Variants in CPNE4 observed in about 807,000 individuals in gnomAD.
CPNE4 encodes copine 4.
A neutral mutation model predicts 67.9 loss-of-function variants in CPNE4; 25 were observed. That is an observed-to-expected ratio of 0.37 (90% CI 0.27 to 0.51). The LOEUF is 0.51. Ranked by LOEUF, CPNE4 falls within the 20% of genes least tolerant of loss-of-function variation. The probability of loss-of-function intolerance (pLI) is 0.93; values close to 1 mark genes in which losing one functional copy is unlikely to be tolerated. For missense variants in CPNE4, 464 were observed against 690.8 expected, an observed-to-expected ratio of 0.67 and a Z score of 3.68; for synonymous variants, 242 against 244.9, an observed-to-expected ratio of 0.99 and a Z score of 0.11.
chr3:132,029,407 T>C (rs1010866847), intron 1 of CPNE4, among the ~76,000 whole-genome samples: 2 of 152,084 alleles, frequency 1.3e-5, no homozygotes, highest in African/African-American at 2.4e-5. Context: ...TGGGTCAAAC[T>C]CCATTCCTTA....
chr3:131,832,614 G>A (rs1392325221), intron 2 of CPNE4, among the ~76,000 whole-genome samples: 1 of 152,046 alleles, frequency 6.6e-6, no homozygotes, highest in Non-Finnish European at 1.5e-5. Flanking sequence ...TCTTCCTTTT[G>A]GAATGGAAAT....
chr3:131,941,733 CT>C (rs1185477035), intron 1 of CPNE4, among the ~76,000 whole-genome samples: 1 of 152,116 alleles, frequency 6.6e-6, no homozygotes, highest in Non-Finnish European at 1.5e-5. Flanking sequence ...TCAGAGTCCC[CT>C]AATCATCCTT....
chr3:131,762,318 T>A (rs1215935374), intron 2 of CPNE4, among the ~76,000 whole-genome samples: 1 of 152,076 alleles, frequency 6.6e-6, no homozygotes, highest in Non-Finnish European at 1.5e-5. Context: ...TCACTCAAAT[T>A]AATAGCTACT....
chr3:131,812,414 A>C (rs1455079704), intron 2 of CPNE4, among the ~76,000 whole-genome samples: 1 of 152,174 alleles, frequency 6.6e-6, no homozygotes, highest in Non-Finnish European at 1.5e-5. Flanking sequence ...AGAAAGGTGA[A>C]TATCCAGTTA....
At chr3:131,758,910 C>A in intron 2 of CPNE4, among the ~76,000 whole-genome samples, 1 of 152,220 alleles carries the variant, frequency 6.6e-6, no homozygotes, top group Non-Finnish European at 1.5e-5. Flanking sequence ...TGCCTCCCAC[C>A]ATGATTCTGA....
intron 2 of CPNE4, among the ~76,000 whole-genome samples, chr3:131,873,311 A>G (rs1024012514): frequency 6.6e-6 from 1 of 152,188 alleles, no homozygotes; most frequent in African/African-American, 2.4e-5. Flanking sequence ...CTCTCTTAAA[A>G]TAATGTGTGG....
chr3:131,605,950 T>C lies in CPNE4; in HGVS notation c.682-18368A>G, dbSNP rs376063487. ...ATTCTTTGACTTCTAATAAGTACCATAAGTCTCTGAACCCATGACAGGTAA... is the reference window on the plus strand; with the variant it reads ...ATTCTTTGACTTCTAATAAGTACCACAAGTCTCTGAACCCATGACAGGTAA... On this transcript the variant is annotated intron_variant, in intron 7 of 15. Transcript: ENST00000429747. Among the ~76,000 whole-genome samples, 167 of 152,284 alleles carry C rather than the reference T, an allele frequency of 1.1e-3. 4 individuals carry two copies. In the South Asian group the frequency reaches 0.018, roughly 16 times the overall value.
chr3:131,714,696 A>G (rs2081641404), intron 3 of CPNE4, among the ~76,000 whole-genome samples: 2 of 152,130 alleles, frequency 1.3e-5, no homozygotes, highest in East Asian at 1.9e-4. Context: ...AGATTATTGA[A>G]TCTCTCCCTA....
At chr3:131,669,384 T>A (rs1052356004) in intron 7 of CPNE4, among the ~76,000 whole-genome samples, 2 of 152,210 alleles carry the variant, frequency 1.3e-5, no homozygotes, top group African/African-American at 4.8e-5. Flanking sequence ...TATTTTCATT[T>A]TAATAACTCT....
chr3:131,772,206 A>G (rs1208943780), intron 2 of CPNE4, among the ~76,000 whole-genome samples: 1 of 152,160 alleles, frequency 6.6e-6, no homozygotes, highest in East Asian at 1.9e-4. Context: ...AGGAATGACA[A>G]AGAAGAGAAG....
intron 7 of CPNE4, among the ~76,000 whole-genome samples, chr3:131,639,613 T>C (rs1377882292): frequency 6.6e-6 from 1 of 152,202 alleles, no homozygotes; most frequent in East Asian, 1.9e-4. Context: ...ATTGACGTTA[T>C]TACAAAAGAC....
chr3:131,799,170 G>C (rs540079450), intron 2 of CPNE4, among the ~76,000 whole-genome samples: 4 of 152,082 alleles, frequency 2.6e-5, no homozygotes, highest in Non-Finnish European at 4.4e-5. Flanking sequence ...TATCCCATGA[G>C]AGACCAGATA....
At chr3:131,827,575 A>C (rs922655142) in intron 2 of CPNE4, among the ~76,000 whole-genome samples, 2 of 152,120 alleles carry the variant, frequency 1.3e-5, no homozygotes, top group Non-Finnish European at 2.9e-5. Flanking sequence ...AAAATAGAGC[A>C]GAGTGAATCA....
chr3:131,833,055 C>A (rs1417908642), intron 2 of CPNE4, among the ~76,000 whole-genome samples: 3 of 152,102 alleles, frequency 2.0e-5, no homozygotes, highest in Non-Finnish European at 4.4e-5. Context: ...ACCCCAGAGC[C>A]TTGTATCTAT....
chr3:131,938,154 C>T (rs75965003), intron 1 of CPNE4, among the ~76,000 whole-genome samples: 1 of 151,898 alleles, frequency 6.6e-6, no homozygotes, highest in East Asian at 1.9e-4. Flanking sequence ...CCCAGGAATT[C>T]GAGACCAGCC....
chr3:131,945,429 A>G (rs979384031), intron 1 of CPNE4, among the ~76,000 whole-genome samples: 11 of 152,174 alleles, frequency 7.2e-5, no homozygotes, highest in African/African-American at 2.4e-4. Flanking sequence ...CTGAGGCTAC[A>G]TTCTCTCAGA....
rs143794350 is a variant in CPNE4, at chr3:132,021,491, G to A, written c.-2+13076C>T. Among the ~76,000 whole-genome samples, 50 of 152,276 alleles carry A rather than the reference G, an allele frequency of 3.3e-4. No individual in the cohort carries two copies. The South Asian group carries it at 7.0e-3, about 21-fold the overall frequency. On this transcript the variant is annotated intron_variant, in intron 1 of 15. Coordinates refer to ENST00000429747, the MANE Select transcript of CPNE4 (RefSeq NM_130808.3). Reference sequence around the variant, plus strand: ...GGGGTTGTCTAACTTTTTCTATCAGGAATCAGATAGTAGGCGGTGCACATC... The same window carrying A: ...GGGGTTGTCTAACTTTTTCTATCAGAAATCAGATAGTAGGCGGTGCACATC...
chr3:131,881,580 T>C (rs975548371), intron 2 of CPNE4, among the ~76,000 whole-genome samples: 1 of 152,104 alleles, frequency 6.6e-6, no homozygotes, highest in African/African-American at 2.4e-5. Context: ...TAAACTACAA[T>C]CTGGCTTCTC....
chr3:131,857,620 A>C lies in CPNE4; in HGVS notation c.180+47644T>G, dbSNP rs1305288102. 4.6e-5 allele frequency among the ~76,000 whole-genome samples: 7 copies of C among 152,184 alleles called. No homozygotes were observed. In the South Asian group the frequency reaches 1.5e-3, roughly 32 times the overall value. On this transcript the variant is annotated intron_variant, in intron 2 of 15. Coordinates refer to ENST00000429747, the MANE Select transcript of CPNE4 (RefSeq NM_130808.3). The stretch of plus-strand genomic sequence containing the variant: ...TAAGGCCTCAGATATGACATTCTAC[A>C]GTTATAGATAATTGGTGCTGGTTGG...
Sources: allele counts gnomAD v4.1 joint callset (sites outside exome capture counted in the v4.1 genomes callset), GRCh38; gene constraint gnomAD v4.1.1; transcripts MANE v1.5; gene names NCBI Gene and HGNC (gene_info 2026-07-23, HGNC 2026-07-21).